The following HMSD variants were observed in gnomAD, a reference collection of about 807,000 sequenced individuals.
The protein encoded by HMSD is histocompatibility minor serpin domain containing, also known as serpin-like protein HMSD.
In HMSD, 13 loss-of-function variants were observed where a neutral mutation model predicts 10.0. The observed-to-expected ratio is 1.31, with a 90% confidence interval of 0.85 to 2.08. The LOEUF is 2.08. Among genes scored for constraint, HMSD ranks in the 30% most tolerant of loss-of-function variants. The pLI, the probability that HMSD is intolerant of heterozygous loss-of-function variation, is 0.00. For synonymous variants in HMSD, 51 were observed against 54.2 expected (o/e 0.94, Z 0.26); for missense variants, 169 against 166.3 (o/e 1.02, Z -0.09).
downstream of HMSD, among the ~76,000 whole-genome samples, chr18:63,964,817 A>G (rs557578919): frequency 3.9e-5 from 6 of 152,302 alleles, no homozygotes; most frequent in East Asian, 1.2e-3. Context: ...TATCTCCAGA[A>G]ACTATCATCT....
intron 3 of HMSD, among the ~76,000 whole-genome samples, chr18:63,956,463 C>T (rs543620153): frequency 6.6e-6 from 1 of 152,164 alleles, no homozygotes; most frequent in East Asian, 1.9e-4. Flanking sequence ...TATGCGTGGC[C>T]AACAAGCCTA....
chr18:63,957,920 CT>C (rs2144761204), intron 3 of HMSD, among the ~76,000 whole-genome samples: 1 of 152,260 alleles, frequency 6.6e-6, no homozygotes, highest in South Asian at 2.1e-4. Flanking sequence ...ATTTGCCACA[CT>C]TTGTCAAATA....
intron 3 of HMSD, among the ~76,000 whole-genome samples, chr18:63,967,740 A>T (rs547037323): frequency 6.6e-5 from 10 of 152,242 alleles, no homozygotes; most frequent in African/African-American, 2.4e-4. Flanking sequence ...AGGCAAGAAG[A>T]CAGAAGATGA....
downstream of HMSD, among the ~76,000 whole-genome samples, chr18:63,964,314 G>A (rs1397196997): frequency 6.6e-6 from 1 of 152,216 alleles, no homozygotes; most frequent in African/African-American, 2.4e-5. Context: ...GAGGTCAGGA[G>A]TTAGAGACCA....
chr18:63,952,588 C>T (rs1343179624), intron 1 of HMSD, among the ~76,000 whole-genome samples: 1 of 152,054 alleles, frequency 6.6e-6, no homozygotes, highest in Non-Finnish European at 1.5e-5. Context: ...CATTTATATT[C>T]AATCATGGAT....
At chr18:63,969,125 G>T (rs2050428308) in intron 3 of HMSD, among the ~76,000 whole-genome samples, 2 of 152,178 alleles carry the variant, frequency 1.3e-5, no homozygotes, top group Non-Finnish European at 2.9e-5. Context: ...TTGCATGCCA[G>T]GAACCCCATG....
At chr18:63,963,796 G>A (rs138682794), downstream of HMSD, among the ~76,000 whole-genome samples, 107 of 152,308 alleles carry the variant, frequency 7.0e-4, 1 homozygote, top group East Asian at 0.018. Flanking sequence ...GAACTTGACT[G>A]ACTGGCCCAG....
downstream of HMSD, among the ~76,000 whole-genome samples, chr18:63,962,190 A>G (rs2050389959): frequency 6.6e-6 from 1 of 152,208 alleles, no homozygotes; most frequent in Non-Finnish European, 1.5e-5. Context: ...GGAATCTGAG[A>G]CTCAGAAGTT....
intron 3 of HMSD, among the ~76,000 whole-genome samples, chr18:63,959,564 T>C (rs1362335536): frequency 1.3e-5 from 2 of 152,222 alleles, no homozygotes; most frequent in Non-Finnish European, 2.9e-5. Context: ...GAATGTGGTC[T>C]CTTTTGGTAA....
At chr18:63,957,014 G>A (rs1203403763) in intron 3 of HMSD, among the ~76,000 whole-genome samples, 6 of 152,084 alleles carry the variant, frequency 3.9e-5, no homozygotes. Context: ...TAAGTTGGAG[G>A]TAAACATCCA....
Position 63,960,594 on chromosome 18 carries a change from T to C in HMSD, c.*239T>C. 2.3e-6 allele frequency: 1 copy of C among 441,472 alleles called. No individual in the cohort carries two copies. The highest frequency in any genetic ancestry group is 2.3e-5 in the South Asian group (1 of 43,844). 27.3% of individuals were successfully genotyped at this position (441,472 alleles called of 1,614,324 possible). A position where few individuals can be genotyped will look rare whatever the true frequency, so the allele number is the denominator to read the frequency against. On this transcript the variant is annotated 3_prime_UTR_variant, in exon 4 of 4. Coordinates refer to ENST00000408945, the MANE Select transcript of HMSD (RefSeq NM_001123366.2). ...AATTTCTAGCTGTCTCCCTCACTGG[T>C]ATTGCCATACTGTATGGTTTACAGG... is the stretch of plus-strand genomic sequence containing the variant.
Position 63,961,255 on chromosome 18 carries a change from T to A in HMSD, c.*900T>A, listed in dbSNP as rs2050385131. 1 of 152,040 alleles carries A rather than the reference T, an allele frequency of 6.6e-6. No individual in the cohort carries two copies. Among genetic ancestry groups the A allele is most frequent in the Non-Finnish European group, 1.5e-5 (1 of 68,002 alleles). The allele number at this position is 152,040 out of a possible 1,614,324, so 9.4% of individuals were successfully genotyped here. A position where few individuals can be genotyped will look rare whatever the true frequency, so the allele number is the denominator to read the frequency against. On this transcript the variant is annotated 3_prime_UTR_variant, in exon 4 of 4. Coordinates refer to ENST00000408945, the MANE Select transcript of HMSD (RefSeq NM_001123366.2). The stretch of plus-strand genomic sequence containing the variant: ...AATCAAATCATTTCAATATGAATTA[T>A]GAAAATGAATGATAATGGTTTTATC...
At chr18:63,963,568 A>G (rs1309392265), downstream of HMSD, among the ~76,000 whole-genome samples, 1 of 152,170 alleles carries the variant, frequency 6.6e-6, no homozygotes, top group Non-Finnish European at 1.5e-5. Flanking sequence ...GACCAAGCAT[A>G]AAATGTTTTA....
chr18:63,965,163 A>T (rs2050404719), downstream of HMSD, among the ~76,000 whole-genome samples: 1 of 151,752 alleles, frequency 6.6e-6, no homozygotes. Context: ...TAGCAAACAC[A>T]TTCTGGCTTG....
chr18:63,963,119 T>TTTCTTTCTTTCTTTTCTTTC (rs1568261396), downstream of HMSD, among the ~76,000 whole-genome samples: 1 of 136,718 alleles, frequency 7.3e-6, no homozygotes, highest in African/African-American at 2.7e-5. Context: ...CTTTCTTTCT[T>TTTCTTTCTTTCTTTTCTTTC]TCTTTCTTTC....
chr18:63,950,484 T>C (rs1011820153), intron 1 of HMSD, among the ~76,000 whole-genome samples: 2 of 144,294 alleles, frequency 1.4e-5, no homozygotes, highest in Non-Finnish European at 3.0e-5. Context: ...ATTTCAATAA[T>C]GTTTACAAGA....
At chr18:63,963,161 T>C (rs2050396890), downstream of HMSD, among the ~76,000 whole-genome samples, 2 of 138,332 alleles carry the variant, frequency 1.4e-5, no homozygotes, top group African/African-American at 2.6e-5. Flanking sequence ...CTCTTCTTTC[T>C]TTCTCTCTCT....
chr18:63,969,074 C>T (rs2050427838), intron 3 of HMSD, among the ~76,000 whole-genome samples: 1 of 152,156 alleles, frequency 6.6e-6, no homozygotes, highest in Non-Finnish European at 1.5e-5. Flanking sequence ...TGAGAGCTTC[C>T]TGCAGGAGAC....
intron 2 of HMSD, 67 bp downstream of exon 2, chr18:63,953,594 T>C: frequency 7.7e-7 from 1 of 1,298,658 alleles, no homozygotes; most frequent in African/African-American, 1.5e-5. Context: ...GACTTCTGCA[T>C]TTCAAGTCTT....
Sources: gnomAD v4.1 joint callset for allele counts (sites outside exome capture counted in the v4.1 genomes callset) on GRCh38, gnomAD v4.1.1 for gene constraint, MANE v1.5 for transcripts, NCBI Gene and HGNC (gene_info 2026-07-23, HGNC 2026-07-21) for gene names.